The following PPP2R2B variants were observed in gnomAD, a reference collection of about 807,000 sequenced individuals.
The protein encoded by PPP2R2B is serine/threonine-protein phosphatase 2A 55 kDa regulatory subunit B beta isoform.
PPP2R2B carries 5 observed loss-of-function variants against 46.0 expected under a neutral mutation model. The ratio of observed to expected loss-of-function variants is 0.11; its 90% confidence interval spans 0.06 to 0.23. The LOEUF is 0.23. Ranked by LOEUF, PPP2R2B falls within the 10% of genes least tolerant of loss-of-function variation. The pLI, the probability that PPP2R2B is intolerant of heterozygous loss-of-function variation, is 1.00. For missense variants in PPP2R2B, 367 were observed against 575.0 expected (o/e 0.64, Z 3.70); for synonymous variants, 215 against 206.7 (o/e 1.04, Z -0.34).
intron 1 of PPP2R2B, among the ~76,000 whole-genome samples, chr5:146,988,491 A>T (rs1171212321): frequency 6.6e-6 from 1 of 152,032 alleles, no homozygotes; most frequent in Non-Finnish European, 1.5e-5. Context: ...ATATATAGAA[A>T]TTAAACAACT....
intron 7 of PPP2R2B, among the ~76,000 whole-genome samples, chr5:146,618,588 G>A (rs558614797): frequency 1.7e-4 from 26 of 152,194 alleles, no homozygotes; most frequent in Non-Finnish European, 2.4e-4. Context: ...CTGCAAAGCC[G>A]CTGTTATTAT....
At chr5:146,964,143 C>A (rs1752303142) in intron 1 of PPP2R2B, among the ~76,000 whole-genome samples, 2 of 152,204 alleles carry the variant, frequency 1.3e-5, no homozygotes, top group Admixed American at 1.3e-4. Context: ...AACATTTATC[C>A]TATTATCCTC....
At chr5:146,638,121 G>A in intron 7 of PPP2R2B, 130 bp downstream of exon 7, 1 of 822,962 alleles carries the variant, frequency 1.2e-6, no homozygotes, top group African/African-American at 1.7e-5. Context: ...ATACGGAGCT[G>A]ACTCCCACTT....
At chr5:146,674,065 G>A (rs1044231529) in intron 5 of PPP2R2B, among the ~76,000 whole-genome samples, 1 of 152,128 alleles carries the variant, frequency 6.6e-6, no homozygotes, top group Non-Finnish European at 1.5e-5. Context: ...CCATCCAAAA[G>A]TAGCAACTGG....
chr5:146,806,130 A>C (rs762887448), intron 2 of PPP2R2B, among the ~76,000 whole-genome samples: 21 of 152,194 alleles, frequency 1.4e-4, no homozygotes, highest in Non-Finnish European at 2.2e-4. Flanking sequence ...ACATATGAAG[A>C]AGCTAGGGAG....
chr5:146,664,256 C>G (rs564286742), intron 5 of PPP2R2B, among the ~76,000 whole-genome samples: 1 of 152,186 alleles, frequency 6.6e-6, no homozygotes, highest in South Asian at 2.1e-4. Context: ...ATCCACAGAA[C>G]TTCTTTCAAA....
At chr5:146,691,337 G>A (rs1332942759) in intron 4 of PPP2R2B, 97 bp from the exon 5 acceptor site, 2 of 895,184 alleles carry the variant, frequency 2.2e-6, no homozygotes, top group Admixed American at 4.5e-5. Context: ...AGGTAAGGAT[G>A]GATAGAATTG....
chr5:147,060,470 T>C (rs1021278328), upstream of PPP2R2B, among the ~76,000 whole-genome samples: 1 of 152,020 alleles, frequency 6.6e-6, no homozygotes, highest in Admixed American at 6.5e-5. Flanking sequence ...CTAAAAAATA[T>C]ACAGAAAATT....
Position 146,586,891 on chromosome 5 carries a change from T to C in PPP2R2B, c.*3056A>G, listed in dbSNP as rs1770190749. 6.6e-6 allele frequency: 1 copy of C among 152,240 alleles called. No homozygotes were observed. Among genetic ancestry groups the C allele is most frequent in the African/African-American group, 2.4e-5 (1 of 41,456 alleles). The allele number at this position is 152,240 out of a possible 1,614,324, so 9.4% of individuals were successfully genotyped here. A position where few individuals can be genotyped will look rare whatever the true frequency, so the allele number is the denominator to read the frequency against. On this transcript the variant is annotated 3_prime_UTR_variant, in exon 10 of 10. Transcript: ENST00000394411. ...CCTCCTCCTGACAGAAGAGTACGAA[T>C]GTCTACCAAAGTTCAGCTTTTTGCA...
At chr5:146,790,640 C>T (rs1270194176) in intron 2 of PPP2R2B, among the ~76,000 whole-genome samples, 1 of 152,188 alleles carries the variant, frequency 6.6e-6, no homozygotes, top group African/African-American at 2.4e-5. Flanking sequence ...TCTGAGCACA[C>T]CTGCACTGAG....
intron 2 of PPP2R2B, among the ~76,000 whole-genome samples, chr5:146,714,746 C>T (rs939686496): frequency 8.5e-5 from 13 of 152,220 alleles, no homozygotes; most frequent in Middle Eastern, 3.4e-3. Context: ...AAGAATTTCT[C>T]TCATATATCA....
chr5:146,740,573 TCACACACACACACA>T (rs3995489), intron 2 of PPP2R2B, among the ~76,000 whole-genome samples: 2,326 of 138,084 alleles, frequency 0.017, 53 homozygotes, highest in African/African-American at 0.054. Flanking sequence ...TAAAATGAGA[TCACACACACACACA>T]CACACACACA....
In PPP2R2B at chr5:146,966,691, G is replaced by A. The variant is rs1157061669; in HGVS notation, c.79+88974C>T. 7.2e-5 allele frequency among the ~76,000 whole-genome samples: 11 copies of A among 152,026 alleles called. No homozygotes were observed. In the South Asian group the frequency reaches 8.3e-4, roughly 11 times the overall value. On this transcript the variant is annotated intron_variant, in intron 1 of 8. Transcript: ENST00000336640. Reference sequence around the variant, plus strand: ...AGCCTTATTCCTTTACGTATCCCTCGTACCTAACACTGGGCCTGGCACAGC... The same window carrying A: ...AGCCTTATTCCTTTACGTATCCCTCATACCTAACACTGGGCCTGGCACAGC...
chr5:146,967,575 C>T (rs1414300533), intron 1 of PPP2R2B, among the ~76,000 whole-genome samples: 1 of 152,100 alleles, frequency 6.6e-6, no homozygotes, highest in Non-Finnish European at 1.5e-5. Context: ...TCCTAAGCAC[C>T]AGTGGCCATC....
At chr5:146,800,949 T>C (rs7719538) in intron 2 of PPP2R2B, among the ~76,000 whole-genome samples, 1 of 151,650 alleles carries the variant, frequency 6.6e-6, no homozygotes, top group Non-Finnish European at 1.5e-5. Flanking sequence ...CACACACATA[T>C]ACACACATGT....
chr5:146,627,414 T>A (rs1026568546), intron 7 of PPP2R2B, among the ~76,000 whole-genome samples: 1 of 152,174 alleles, frequency 6.6e-6, no homozygotes, highest in Non-Finnish European at 1.5e-5. Context: ...CTCTAGTGGC[T>A]TACTTACCAG....
chr5:147,007,140 C>T (rs975747782), intron 1 of PPP2R2B, among the ~76,000 whole-genome samples: 7 of 152,114 alleles, frequency 4.6e-5, no homozygotes, highest in South Asian at 2.1e-4. Flanking sequence ...TGGACTGACC[C>T]GCTGGTCCTT....
intron 6 of PPP2R2B, among the ~76,000 whole-genome samples, chr5:146,641,385 C>T (rs756949745): frequency 2.0e-5 from 3 of 152,126 alleles, no homozygotes; most frequent in Admixed American, 1.3e-4. Context: ...TTGAAAAGAC[C>T]CCCAGCTAAT....
rs1762034971 is a variant in PPP2R2B, at chr5:146,878,458, C to T, written c.-125+133G>A. ...TCTGGGGAGATGCCCAACAGGTTCC[C>T]CTCCTTGGCAGCCGCTCCAAAATGC... On this transcript the variant is annotated intron_variant, in intron 1 of 9. Coordinates refer to ENST00000394411, the MANE Select transcript of PPP2R2B (RefSeq NM_181675.4). This position sits in a 1 kb window ranked among gnomAD's most constrained non-coding sequence, Gnocchi z 4.5. 7.3e-7 allele frequency: 1 copy of T among 1,379,192 alleles called. No individual in the cohort carries two copies. The highest frequency in any genetic ancestry group is 3.1e-5 in the Admixed American group (1 of 31,922). 85.4% of individuals were successfully genotyped at this position (1,379,192 alleles called of 1,614,324 possible).
Sources: allele counts gnomAD v4.1 joint callset (sites outside exome capture counted in the v4.1 genomes callset), GRCh38; gene constraint gnomAD v4.1.1; non-coding constraint Gnocchi (gnomAD v3.1); transcripts MANE v1.5; gene names NCBI Gene and HGNC (gene_info 2026-07-23, HGNC 2026-07-21).